The following CEP83 variants were observed in gnomAD, a reference collection of about 807,000 sequenced individuals.
The protein encoded by CEP83 is centrosomal protein of 83 kDa.
Under a neutral mutation model 101.9 loss-of-function variants are expected in CEP83, and 70 were observed. The ratio of observed to expected loss-of-function variants is 0.69; its 90% CI spans 0.57 to 0.84. The LOEUF is 0.84. Ranked by LOEUF, CEP83 falls within the 40% of genes least tolerant of loss-of-function variation. CEP83 has a pLI of 0.00. For missense variants in CEP83, 715 were observed against 787.2 expected, an observed-to-expected ratio of 0.91 and a Z score of 1.10; for synonymous variants, 264 against 267.9, an observed-to-expected ratio of 0.99 and a Z score of 0.14.
chr12:94,292,714 A>C, the CEP83 span, among the ~76,000 whole-genome samples: 1 of 152,180 alleles, frequency 6.6e-6, no homozygotes, highest in Non-Finnish European at 1.5e-5. Context: ...AATTTTATAT[A>C]ATTTGTGCAC....
At chr12:94,440,409 C>A (rs1303166084) in intron 1 of CEP83, among the ~76,000 whole-genome samples, 1 of 151,610 alleles carries the variant, frequency 6.6e-6, no homozygotes, top group African/African-American at 2.4e-5. Flanking sequence ...AGCTGAGAAC[C>A]AAATCAAGAA....
intron 14 of CEP83, among the ~76,000 whole-genome samples, chr12:94,313,636 A>T (rs146528478): frequency 0.014 from 2,103 of 152,156 alleles, 22 homozygotes; most frequent in Non-Finnish European, 0.023. Flanking sequence ...CAAGAGATTG[A>T]GACCATCCTG....
chr12:94,274,557 G>A, the CEP83 span, among the ~76,000 whole-genome samples: 1 of 152,178 alleles, frequency 6.6e-6, no homozygotes, highest in Non-Finnish European at 1.5e-5. Flanking sequence ...TTCCTGCCAA[G>A]GAAATAGGAA....
chr12:94,372,157 A>G (rs1222477277), intron 8 of CEP83, among the ~76,000 whole-genome samples: 1 of 151,978 alleles, frequency 6.6e-6, no homozygotes, highest in Non-Finnish European at 1.5e-5. Flanking sequence ...TATTTTTAGT[A>G]GAGATGGGGT....
the CEP83 span, among the ~76,000 whole-genome samples, chr12:94,273,110 C>A: frequency 6.6e-6 from 1 of 152,330 alleles, no homozygotes; most frequent in African/African-American, 2.4e-5. Context: ...AATAATGGCA[C>A]CTACTTCATA....
chr12:94,276,205 A>G, the CEP83 span, among the ~76,000 whole-genome samples: 1 of 152,214 alleles, frequency 6.6e-6, no homozygotes, highest in Non-Finnish European at 1.5e-5. Flanking sequence ...GAGATTGCTG[A>G]AGCTCCGATT....
At chr12:94,290,930 TTCTTGCCACCCGTTTG>T in the CEP83 span, among the ~76,000 whole-genome samples, 16 of 152,340 alleles carry the variant, frequency 1.1e-4, no homozygotes, top group Non-Finnish European at 1.6e-4. Flanking sequence ...ACCTGCCTCC[TTCTTGCCACCCGTTTG>T]TCTTGTAATT....
In CEP83 at chr12:94,380,838, T is replaced by A. The variant is rs577576975; in HGVS notation, c.550-1796A>T. Among the ~76,000 whole-genome samples the A allele has an allele frequency of 1.2e-3, 180 of 152,312 alleles. No individual in the cohort carries two copies. The South Asian group carries it at 0.014, about 12-fold the overall frequency. ...CAGTTCACAATGTTCTTGACCTGCA[T>A]ACTTCCCATATTATTGCTTTCTTTC... On this transcript the variant is annotated intron_variant, in intron 6 of 16. Coordinates refer to ENST00000397809, the MANE Select transcript of CEP83 (RefSeq NM_016122.3).
chr12:94,363,253 A>AT (rs1394251951), intron 11 of CEP83, among the ~76,000 whole-genome samples: 4 of 152,248 alleles, frequency 2.6e-5, no homozygotes, highest in Non-Finnish European at 5.9e-5. Context: ...TGATCATTAC[A>AT]CATTGTATAC....
chr12:94,428,761 C>G (rs533649504), intron 2 of CEP83, among the ~76,000 whole-genome samples: 24 of 152,140 alleles, frequency 1.6e-4, no homozygotes, highest in Non-Finnish European at 2.8e-4. Flanking sequence ...ACCACATTTA[C>G]TGAATGGTCT....
intron 2 of CEP83, chr12:94,424,151 A>G: frequency 6.2e-7 from 1 of 1,603,564 alleles, no homozygotes. Context: ...CCGAGCAAGC[A>G]TCCTGTTGGG....
At chr12:94,275,838 G>A in the CEP83 span, among the ~76,000 whole-genome samples, 1 of 65,556 alleles carries the variant, frequency 1.5e-5, no homozygotes, top group Non-Finnish European at 2.7e-5. Flanking sequence ...CTGGGCGACA[G>A]AGCGAGACTC....
chr12:94,274,636 C>A, the CEP83 span, among the ~76,000 whole-genome samples: 1 of 152,224 alleles, frequency 6.6e-6, no homozygotes, highest in Admixed American at 6.5e-5. Flanking sequence ...TTTCACAGCT[C>A]TTTAGCCTTT....
At chr12:94,383,780 C>T (rs540645587) in intron 6 of CEP83, among the ~76,000 whole-genome samples, 155 of 152,110 alleles carry the variant, frequency 1.0e-3, no homozygotes, top group East Asian at 5.8e-4. Flanking sequence ...GTATAGCTTT[C>T]TTAGTGGTTG....
chr12:94,382,283 T>C (rs1228133007), intron 6 of CEP83, among the ~76,000 whole-genome samples: 3 of 151,984 alleles, frequency 2.0e-5, no homozygotes, highest in African/African-American at 7.2e-5. Context: ...TCAATTTTAT[T>C]GTCTTTTCAA....
chr12:94,388,422 G>C (rs1037517074), intron 6 of CEP83, among the ~76,000 whole-genome samples: 1 of 152,026 alleles, frequency 6.6e-6, no homozygotes. Context: ...AATAGAACTG[G>C]GGACTACCAG....
chr12:94,284,087 GAAAAAAA>G, the CEP83 span, among the ~76,000 whole-genome samples: 4 of 82,696 alleles, frequency 4.8e-5, no homozygotes, highest in Non-Finnish European at 7.5e-5. Flanking sequence ...CATGTCAGGG[GAAAAAAA>G]AAAAAAAAAA....
In CEP83 at chr12:94,376,732, CATATAT is replaced by C. The variant is rs141020909; in HGVS notation, c.802-721_802-716del. 2.3e-3 allele frequency among the ~76,000 whole-genome samples: 218 copies of C among 95,012 alleles called. 1 individual carries two copies. The highest frequency in any genetic ancestry group is 3.4e-3 in the Non-Finnish European group (154 of 44,726). 62.3% of individuals were successfully genotyped at this position (95,012 alleles called of 152,430 possible). A position where few individuals can be genotyped will look rare whatever the true frequency, so the allele number is the denominator to read the frequency against. On this transcript the variant is annotated intron_variant, in intron 7 of 16. Transcript: ENST00000397809. ...ACACACACACACACACACACACACA[CATATAT>C]ATATATATATTTTTTTTTTGAGACA...
chr12:94,422,473 A>C (rs2064832787), intron 2 of CEP83, among the ~76,000 whole-genome samples: 1 of 152,218 alleles, frequency 6.6e-6, no homozygotes, highest in Non-Finnish European at 1.5e-5. Flanking sequence ...ATCTTATGGT[A>C]CCACTGTTGT....
Sources: gnomAD v4.1 joint callset for allele counts (sites outside exome capture counted in the v4.1 genomes callset) on GRCh38, gnomAD v4.1.1 for gene constraint, MANE v1.5 for transcripts, NCBI Gene and HGNC (gene_info 2026-07-23, HGNC 2026-07-21) for gene names.